SH3TC1: variants seen among roughly 807,000 people sequenced by gnomAD.
SH3TC1 encodes SH3 domain and tetratricopeptide repeat-containing protein 1.
A neutral mutation model predicts 117.3 loss-of-function variants in SH3TC1; 135 were observed. That is an observed-to-expected ratio of 1.15 (90% confidence interval 1.00 to 1.33). The LOEUF (loss-of-function observed/expected upper bound fraction) is 1.33. Among genes scored for constraint, SH3TC1 ranks in the 40% most tolerant of loss-of-function variants. The pLI, the probability that SH3TC1 is intolerant of heterozygous loss-of-function variation, is 0.00. For synonymous variants in SH3TC1, 898 were observed against 816.9 expected (o/e 1.10, Z -1.69); for missense variants, 2,092 against 1,794.3 (o/e 1.17, Z -3.00).
At position 8,227,736 on chromosome 4, in the gene SH3TC1, C is replaced by T. The variant is rs773198817; in HGVS notation, c.2042C>T (p.Pro681Leu). 10 of 1,602,074 alleles carry T rather than the reference C, an allele frequency of 6.2e-6. No homozygotes were observed. In the South Asian group the frequency reaches 1.0e-4, roughly 16 times the overall value. Residue 681 changes from proline to leucine, a missense_variant, in exon 12 of 18, where the codon CCC (proline) becomes CTC (leucine). Transcript: ENST00000245105. ...AGGCACCACGTGCACCTCAAGCAGC[C>T]CGAGGAGGCCCTGCCCTTCCTAGAG... ...LARHHVHLKQ[P>L]EEALPFLERL... is the part of the protein sequence containing the mutation.
Position 8,216,952 on chromosome 4 carries a change from T to A in SH3TC1, c.629-5T>A. 3 of 1,614,060 alleles carry A rather than the reference T, an allele frequency of 1.9e-6. No homozygotes were observed. Among genetic ancestry groups the A allele is most frequent in the South Asian group, 1.1e-5 (1 of 91,088 alleles). ...CCCTCAGTGACCACCTCCATCCTTT[T>A]GAAGGGCCCTTCTTTGTCCTGTGTC... is the stretch of plus-strand genomic sequence containing the variant. On this transcript the variant is annotated splice_region_variant and splice_polypyrimidine_tract_variant and intron_variant, in intron 6 of 17. Coordinates refer to ENST00000245105, the MANE Select transcript of SH3TC1 (RefSeq NM_018986.5).
chr4:8,208,696 G>C (rs921916111), intron 2 of SH3TC1, among the ~76,000 whole-genome samples: 1 of 152,230 alleles, frequency 6.6e-6, no homozygotes, highest in African/African-American at 2.4e-5. Flanking sequence ...CTAGCTCTGG[G>C]CTTGGGCTGG....
intron 3 of SH3TC1, among the ~76,000 whole-genome samples, chr4:8,212,402 C>T (rs928835665): frequency 5.3e-5 from 8 of 152,260 alleles, no homozygotes; most frequent in African/African-American, 9.6e-5. Context: ...ACCATCTGTG[C>T]GCAGTGGTTT....
rs1054749852 is a variant in SH3TC1, at chr4:8,206,128, C to T, written c.172+762C>T. 2.9e-4 allele frequency: 48 copies of T among 162,944 alleles called. No individual in the cohort carries two copies. Among genetic ancestry groups the T allele is most frequent in the Admixed American group, 1.8e-3 (30 of 16,818 alleles). The allele number at this position is 162,944 out of a possible 1,614,324, so 10.1% of individuals were successfully genotyped here. A position where few individuals can be genotyped will look rare whatever the true frequency, so the allele number is the denominator to read the frequency against. On this transcript the variant is annotated intron_variant, in intron 2 of 17. Transcript: ENST00000245105. This position sits in a 1 kb window ranked among gnomAD's most constrained non-coding sequence, Gnocchi z 5.5. ...AATGAAGGATGTGTTTGGACAGTGGCGTGGAAACCTCAGATGCTGTCGCCT... is the reference window on the plus strand; with the variant it reads ...AATGAAGGATGTGTTTGGACAGTGGTGTGGAAACCTCAGATGCTGTCGCCT...
chr4:8,193,465 T>G (rs1489721302), intron 1 of SH3TC1, among the ~76,000 whole-genome samples: 1 of 152,124 alleles, frequency 6.6e-6, no homozygotes, highest in East Asian at 1.9e-4. Context: ...GAGAAACCCT[T>G]TACGCCCCTG....
chr4:8,215,107 G>A (rs1719126678), intron 5 of SH3TC1: 1 of 452,598 alleles, frequency 2.2e-6, no homozygotes, highest in African/African-American at 2.0e-5. Context: ...CTTTGTTGCA[G>A]GAATGATTTA....
rs1169320794 is a variant in SH3TC1, at chr4:8,210,079, C to G, written c.247+257C>G. ...CAAACGGCAGACACGGTCCTGGGGG[C>G]TCCGTGGGTGACACCCCAGGGAGGG... On this transcript the variant is annotated intron_variant, in intron 3 of 17. Coordinates refer to ENST00000245105, the MANE Select transcript of SH3TC1 (RefSeq NM_018986.5). The surrounding 1 kb of genome is among the most constrained non-coding windows in gnomAD (Gnocchi z 4.1). Among the ~76,000 whole-genome samples the G allele has an allele frequency of 6.6e-6, 1 of 152,192 alleles. No individual in the cohort carries two copies. The highest frequency in any genetic ancestry group is 1.5e-5 in the Non-Finnish European group (1 of 68,016).
chr4:8,236,593 C>G (rs1000998492), intron 16 of SH3TC1, 165 bp downstream of exon 16: 1 of 910,888 alleles, frequency 1.1e-6, no homozygotes, highest in Non-Finnish European at 1.6e-6. Flanking sequence ...GGGCACAGCC[C>G]GAGGTCCTTC....
intron 1 of SH3TC1, among the ~76,000 whole-genome samples, chr4:8,185,472 C>G (rs918858474): frequency 6.6e-6 from 1 of 152,142 alleles, no homozygotes; most frequent in African/African-American, 2.4e-5. Context: ...CCCTGTGGCT[C>G]ACCGACTCAG....
At chr4:8,194,392 G>A (rs1206293145), upstream of SH3TC1, among the ~76,000 whole-genome samples, 3 of 151,082 alleles carry the variant, frequency 2.0e-5, no homozygotes, top group Non-Finnish European at 4.4e-5. Context: ...CATGCCTGCC[G>A]CTTCTAGTGC....
Position 8,228,113 on chromosome 4 carries a change from A to G in SH3TC1, c.2419A>G (p.Thr807Ala). ...CCATGGCTGCCACGGCCCGGCCATC[A>G]CCTTCATGACGCAGGCAGTGGAAGC... ...SHHGCHGPAI[T>A]FMTQAVEASA... The change falls in exon 12 of 18, where the codon ACC (threonine) becomes GCC (alanine). Residue 807 changes from threonine to alanine, a missense_variant. Transcript: ENST00000245105. The G allele has an allele frequency of 6.2e-7, 1 of 1,611,526 alleles. No homozygotes were observed. Among genetic ancestry groups the G allele is most frequent in the Non-Finnish European group, 8.5e-7 (1 of 1,179,094 alleles).
rs1426739805 is a variant in SH3TC1 at position 8,217,012 on chromosome 4, G to A, written c.684G>A (p.Arg228=). 4.3e-6 allele frequency: 7 copies of A among 1,613,780 alleles called. No individual in the cohort carries two copies. The highest frequency in any genetic ancestry group is 1.6e-4 in the Middle Eastern group (1 of 6,082). Residue 228 remains arginine, a synonymous_variant, in exon 7 of 18, where the codon CGG becomes CGA. Transcript: ENST00000245105. The part of the protein sequence containing the change: ...DHHVRVMTGP[R]DAGNGPQALR... Reference sequence around the variant, plus strand: ...ATGTGAGAGTGATGACGGGTCCCCGGGATGCAGGAAATGGCCCCCAGGCCC... The same window carrying A: ...ATGTGAGAGTGATGACGGGTCCCCGAGATGCAGGAAATGGCCCCCAGGCCC...
intron 12 of SH3TC1, among the ~76,000 whole-genome samples, chr4:8,230,427 T>C (rs1029117578): frequency 1.3e-5 from 2 of 151,744 alleles, no homozygotes; most frequent in Non-Finnish European, 2.9e-5. Context: ...TGAGCCATGG[T>C]GCTCGGTCTC....
At chr4:8,212,941 G>A in intron 4 of SH3TC1, 113 bp downstream of exon 4, 1 of 1,392,070 alleles carries the variant, frequency 7.2e-7, no homozygotes, top group South Asian at 1.5e-5. Context: ...CAGAGAGCGA[G>A]AGCCACTCAG....
chr4:8,218,772 G>A (rs552933399), intron 8 of SH3TC1, among the ~76,000 whole-genome samples: 6 of 152,402 alleles, frequency 3.9e-5, no homozygotes, highest in African/African-American at 1.2e-4. Flanking sequence ...AATTTGCCAC[G>A]TGCACTAACA....
intron 8 of SH3TC1, 116 bp from the exon 9 acceptor site, chr4:8,219,219 C>A: frequency 9.3e-7 from 1 of 1,076,908 alleles, no homozygotes; most frequent in Non-Finnish European, 1.3e-6. Flanking sequence ...CTACGAACCT[C>A]CTAGTAACCA....
intron 4 of SH3TC1, 116 bp from the exon 5 acceptor site, chr4:8,214,359 G>A: frequency 1.1e-6 from 1 of 884,040 alleles, no homozygotes; most frequent in African/African-American, 1.7e-5. Flanking sequence ...CCCTGGGTGT[G>A]TCGTCCCCCG....
At chr4:8,219,658 C>G in intron 9 of SH3TC1, 128 bp downstream of exon 9, 1 of 1,073,416 alleles carries the variant, frequency 9.3e-7, no homozygotes, top group Non-Finnish European at 1.3e-6. Context: ...TAGTCTCTTC[C>G]CTTGTCCTCA....
intron 7 of SH3TC1, among the ~76,000 whole-genome samples, chr4:8,217,800 T>C (rs1186180227): frequency 6.6e-6 from 1 of 152,248 alleles, no homozygotes; most frequent in Non-Finnish European, 1.5e-5. Context: ...AGAGGGATTG[T>C]CAGTCATCTA....
Sources: gnomAD v4.1 joint callset for allele counts (sites outside exome capture counted in the v4.1 genomes callset) on GRCh38, gnomAD v4.1.1 for gene constraint, Gnocchi (gnomAD v3.1) non-coding constraint, MANE v1.5 for transcripts, NCBI Gene and HGNC (gene_info 2026-07-23, HGNC 2026-07-21) for gene names.